PHKA1: variants seen among roughly 807,000 people sequenced by gnomAD.
PHKA1 encodes the protein phosphorylase b kinase regulatory subunit alpha, skeletal muscle isoform.
In PHKA1, 60 loss-of-function variants were observed where a neutral mutation model predicts 110.2. The ratio of observed to expected loss-of-function variants is 0.54; its 90% confidence interval spans 0.44 to 0.68. The LOEUF (loss-of-function observed/expected upper bound fraction) is 0.68, where lower values mean the gene tolerates loss of function less well. Among genes scored for constraint, PHKA1 ranks in the 30% least tolerant of loss-of-function variants. PHKA1 has a pLI of 0.00. For synonymous variants in PHKA1, 316 were observed against 333.6 expected (o/e 0.95, Z 0.58); for missense variants, 801 against 942.5 (o/e 0.85, Z 1.97).
chrX:72,676,845 G>A (rs1402234638), intron 5 of PHKA1, among the ~76,000 whole-genome samples: 1 of 112,402 alleles, frequency 8.9e-6, no homozygotes, highest in Non-Finnish European at 1.9e-5. Flanking sequence ...ACTACAAGGA[G>A]TTCCCATATG....
At chrX:72,658,888 A>T (rs934063024) in intron 8 of PHKA1, among the ~76,000 whole-genome samples, 21 of 111,503 alleles carry the variant, frequency 1.9e-4, no homozygotes, top group Admixed American at 1.0e-3. Context: ...CTCCACTGTA[A>T]TTTTCCATTT....
chrX:72,682,344 G>A (rs1349630067), intron 5 of PHKA1, among the ~76,000 whole-genome samples: 2 of 107,643 alleles, frequency 1.9e-5, no homozygotes, highest in Non-Finnish European at 3.9e-5. Flanking sequence ...AGGTGGGGGG[G>A]TCAGCCCCCT....
chrX:72,683,561 C>T (rs782154306), intron 5 of PHKA1, among the ~76,000 whole-genome samples: 16 of 112,206 alleles, frequency 1.4e-4, no homozygotes, highest in Admixed American at 6.6e-4. Flanking sequence ...TGTTTTCATG[C>T]GTGAAACTAT....
At chrX:72,668,005 CAATT>C (rs1185320376) in intron 6 of PHKA1, among the ~76,000 whole-genome samples, 2 of 111,364 alleles carry the variant, frequency 1.8e-5, no homozygotes, top group Non-Finnish European at 3.8e-5. Flanking sequence ...CTACTTTTTA[CAATT>C]AATAATATAG....
chrX:72,651,409 G>A, intron 12 of PHKA1, among the ~76,000 whole-genome samples: 1 of 110,808 alleles, frequency 9.0e-6, no homozygotes, highest in Non-Finnish European at 1.9e-5. Flanking sequence ...GGTGGTGCGT[G>A]CCTGTAATCC....
intron 16 of PHKA1, among the ~76,000 whole-genome samples, chrX:72,630,781 T>C (rs1198030821): frequency 9.0e-6 from 1 of 110,674 alleles, no homozygotes; most frequent in Non-Finnish European, 1.9e-5. Context: ...GTTTAAGATT[T>C]TCTCATTTTT....
At chrX:72,661,101 C>T (rs1176658880) in intron 8 of PHKA1, among the ~76,000 whole-genome samples, 1 of 111,942 alleles carries the variant, frequency 8.9e-6, no homozygotes, top group Non-Finnish European at 1.9e-5. Context: ...TGAAACATTC[C>T]ATGTTTTAAT....
intron 10 of PHKA1, among the ~76,000 whole-genome samples, chrX:72,655,086 C>G (rs1406416420): frequency 2.7e-5 from 3 of 110,598 alleles, no homozygotes; most frequent in Admixed American, 1.9e-4. Context: ...CGTGAGCCAC[C>G]GCGCCCGGCC....
intron 5 of PHKA1, among the ~76,000 whole-genome samples, chrX:72,679,587 C>G (rs917779431): frequency 9.9e-5 from 11 of 110,897 alleles, no homozygotes; most frequent in African/African-American, 3.6e-4. Context: ...TTAGTAGATA[C>G]ATGGAATATA....
chrX:72,680,608 C>G (rs1463870986), intron 5 of PHKA1, among the ~76,000 whole-genome samples: 1 of 103,568 alleles, frequency 9.7e-6, no homozygotes, highest in Non-Finnish European at 1.9e-5. Flanking sequence ...GGGAGCCCGT[C>G]TGGCCATGGT....
At position 72,701,000 on chromosome X, in the gene PHKA1, A is replaced by C. The variant is rs551885729; in HGVS notation, c.285+4198T>G. On this transcript the variant is annotated intron_variant, in intron 3 of 31. Coordinates refer to ENST00000373542, the MANE Select transcript of PHKA1 (RefSeq NM_002637.4). ...TAACAATTTAGTATACTGCCATAAA[A>C]AAGATTTGGAGCATATTTATTTCTC... Among the ~76,000 whole-genome samples, 355 of 112,762 alleles carry C rather than the reference A, an allele frequency of 3.1e-3. 1 individual carries two copies. Among genetic ancestry groups the C allele is most frequent in the African/African-American group, 0.011 (347 of 31,095 alleles).
chrX:72,639,542 G>T (rs1274978907), intron 14 of PHKA1, among the ~76,000 whole-genome samples: 1 of 110,731 alleles, frequency 9.0e-6, no homozygotes, highest in Non-Finnish European at 1.9e-5. Flanking sequence ...CTCCATCTTG[G>T]GGGGAGAAAA....
intron 28 of PHKA1, among the ~76,000 whole-genome samples, chrX:72,594,769 C>G (rs1556231677): frequency 8.9e-6 from 1 of 112,402 alleles, no homozygotes; most frequent in South Asian, 3.7e-4. Flanking sequence ...TGGGTGATAT[C>G]GTTAGACTCT....
chrX:72,712,629 G>A, intron 2 of PHKA1, 150 bp downstream of exon 2: 1 of 555,768 alleles, frequency 1.8e-6, no homozygotes, highest in Non-Finnish European at 3.1e-6. Flanking sequence ...AAGCTTTCTG[G>A]AATATAATTT....
chrX:72,582,546 C>A lies in PHKA1; in HGVS notation c.3350G>T (p.Arg1117Leu). 1 of 1,204,286 alleles carries A rather than the reference C, an allele frequency of 8.3e-7. No individual in the cohort carries two copies. Among genetic ancestry groups the A allele is most frequent in the Non-Finnish European group, 1.1e-6 (1 of 888,782 alleles). ...FSVHVESVLN[R>L]VPQPEYRQLL... is the part of the protein sequence containing the mutation. ...CTGACGGTACTCTGGCTGAGGTACA[C>A]GATTCAGGACAGACTCCACATGAAC... is the stretch of plus-strand genomic sequence containing the variant. The change falls in exon 31 of 32, where the codon CGT becomes CTT. Residue 1117 changes from arginine to leucine, a missense_variant. Arg to Leu is a moderately radical substitution (Grantham distance 102). Around this residue, in one of 2 missense-constraint regions of PHKA1, gnomAD observed 502 missense variants for 519.2 expected, o/e 0.97. Transcript: ENST00000373542.
chrX:72,683,046 T>A (rs1251735222), intron 5 of PHKA1, among the ~76,000 whole-genome samples: 2 of 110,020 alleles, frequency 1.8e-5, no homozygotes, highest in African/African-American at 6.6e-5. Context: ...GGTAAATGAA[T>A]TTCTAATTTT....
chrX:72,627,811 CTTTTTTTTTTTT>C (rs1160541868), intron 16 of PHKA1, among the ~76,000 whole-genome samples: 3 of 67,869 alleles, frequency 4.4e-5, no homozygotes, highest in Non-Finnish European at 7.7e-5. Flanking sequence ...TTTTCCTACA[CTTTTTTTTTTTT>C]TTTTTTTTTT....
At chrX:72,667,348 C>A (rs1387135528) in intron 7 of PHKA1, 27 bp downstream of exon 7, 6 of 1,089,907 alleles carry the variant, frequency 5.5e-6, no homozygotes, top group African/African-American at 1.8e-5. Flanking sequence ...ATAAAATTTG[C>A]TATTTCCATT....
At chrX:72,606,572 A>G (rs2052731918) in intron 23 of PHKA1, among the ~76,000 whole-genome samples, 1 of 110,769 alleles carries the variant, frequency 9.0e-6, no homozygotes, top group African/African-American at 3.3e-5. Flanking sequence ...ATTTTTTTTT[A>G]ATTTTTAATT....
Sources: allele counts gnomAD v4.1 joint callset (sites outside exome capture counted in the v4.1 genomes callset), GRCh38; gene constraint gnomAD v4.1.1; regional missense constraint gnomAD v4.1.1; transcripts MANE v1.5; gene names NCBI Gene and HGNC (gene_info 2026-07-23, HGNC 2026-07-21).